Variants in IGSF21 observed in about 807,000 individuals in gnomAD.
The protein encoded by IGSF21 is immunoglobulin superfamily member 21.
In IGSF21, 28 loss-of-function variants were observed where a neutral mutation model predicts 46.8. The ratio of observed to expected loss-of-function variants is 0.60; its 90% CI spans 0.44 to 0.82. The LOEUF is 0.82. Among genes scored for constraint, IGSF21 ranks in the 40% least tolerant of loss-of-function variants. The pLI, the probability that IGSF21 is intolerant of heterozygous loss-of-function variation, is 0.00. For missense variants in IGSF21, 624 were observed against 665.5 expected, an observed-to-expected ratio of 0.94 and a Z score of 0.69; for synonymous variants, 284 against 273.6, an observed-to-expected ratio of 1.04 and a Z score of -0.38.
intron 1 of IGSF21, among the ~76,000 whole-genome samples, chr1:18,142,737 G>A (rs1306290654): frequency 6.6e-6 from 1 of 152,208 alleles, no homozygotes; most frequent in Non-Finnish European, 1.5e-5. Flanking sequence ...TGCAAATTGG[G>A]GGGCTGATTA....
At chr1:18,173,598 G>A (rs752032653) in intron 1 of IGSF21, among the ~76,000 whole-genome samples, 34 of 152,272 alleles carry the variant, frequency 2.2e-4, no homozygotes, top group Admixed American at 7.2e-4. Flanking sequence ...GTCTGGCTTT[G>A]TTCACTTGGC....
intron 1 of IGSF21, among the ~76,000 whole-genome samples, chr1:18,223,891 G>A (rs569756993): frequency 6.6e-6 from 1 of 152,306 alleles, no homozygotes; most frequent in African/African-American, 2.4e-5. Context: ...TTCCTGCGGG[G>A]ATGAGAAGGG....
intron 3 of IGSF21, among the ~76,000 whole-genome samples, chr1:18,308,899 G>A (rs2085453587): frequency 6.6e-6 from 1 of 152,164 alleles, no homozygotes; most frequent in South Asian, 2.1e-4. Context: ...GGGCAGTGGG[G>A]CCTGGCAAGC....
chr1:18,304,211 G>C (rs752938851), intron 3 of IGSF21, among the ~76,000 whole-genome samples: 5 of 152,222 alleles, frequency 3.3e-5, no homozygotes, highest in Non-Finnish European at 7.3e-5. Context: ...AGAGGTGACT[G>C]ATGAAGACTT....
At chr1:18,231,840 T>C (rs2084629377) in intron 2 of IGSF21, among the ~76,000 whole-genome samples, 2 of 151,948 alleles carry the variant, frequency 1.3e-5, no homozygotes, top group African/African-American at 2.4e-5. Context: ...TGAGTGATCA[T>C]TGAGTCAGTT....
intron 2 of IGSF21, among the ~76,000 whole-genome samples, chr1:18,239,086 G>T (rs1476842582): frequency 6.6e-6 from 1 of 152,126 alleles, no homozygotes; most frequent in Non-Finnish European, 1.5e-5. Context: ...TACTACTGTT[G>T]GGGCCTCCGA....
intron 1 of IGSF21, among the ~76,000 whole-genome samples, chr1:18,195,369 C>T (rs1020726143): frequency 2.6e-5 from 4 of 152,126 alleles, no homozygotes; most frequent in East Asian, 1.9e-4. Context: ...TGGATTATAA[C>T]GGCTGGAGCA....
intron 1 of IGSF21, among the ~76,000 whole-genome samples, chr1:18,149,736 C>T (rs1461838263): frequency 2.0e-5 from 3 of 151,980 alleles, no homozygotes; most frequent in African/African-American, 7.3e-5. Context: ...CATCTCTAGA[C>T]TCTGGCTCCA....
chr1:18,362,016 C>A (rs759243999), intron 4 of IGSF21, 99 bp from the exon 5 acceptor site: 3 of 794,142 alleles, frequency 3.8e-6, no homozygotes, highest in Non-Finnish European at 6.2e-6. Flanking sequence ...CCCCCACCCC[C>A]GGCACCCAGC....
chr1:18,225,085 T>TCTCTCA, intron 1 of IGSF21, among the ~76,000 whole-genome samples: 2 of 51,582 alleles, frequency 3.9e-5, no homozygotes, highest in African/African-American at 1.4e-4. Flanking sequence ...TCTCTCTCTC[T>TCTCTCA]CACACACACA....
intron 2 of IGSF21, among the ~76,000 whole-genome samples, chr1:18,280,489 A>G (rs2085148386): frequency 1.3e-5 from 2 of 152,104 alleles, no homozygotes; most frequent in Non-Finnish European, 2.9e-5. Context: ...CATTATTAGC[A>G]TTTTACAGCT....
chr1:18,323,780 TG>T (rs2085629405), intron 3 of IGSF21, among the ~76,000 whole-genome samples: 1 of 152,194 alleles, frequency 6.6e-6, no homozygotes, highest in African/African-American at 2.4e-5. Flanking sequence ...ACAGATATTT[TG>T]TACCCAATGA....
At chr1:18,110,373 A>G (rs1299789740) in intron 1 of IGSF21, 1 of 152,424 alleles carries the variant, frequency 6.6e-6, no homozygotes, top group African/African-American at 2.4e-5. Flanking sequence ...AGTCCGTGAG[A>G]GACGCAAGAG....
At chr1:18,372,624 G>C (rs111731591) in intron 6 of IGSF21, among the ~76,000 whole-genome samples, 76 of 143,708 alleles carry the variant, frequency 5.3e-4, no homozygotes, top group Middle Eastern at 3.5e-3. Flanking sequence ...ATGTTTGGAT[G>C]GATGGATAGA....
intron 2 of IGSF21, among the ~76,000 whole-genome samples, chr1:18,256,568 CCCTGTGCGCTTCT>C (rs1392596136): frequency 6.6e-6 from 1 of 152,124 alleles, no homozygotes; most frequent in African/African-American, 2.4e-5. Flanking sequence ...CCTGGCGGTG[CCCTGTGCGCTTCT>C]CCTGGATGTT....
At chr1:18,240,313 C>A (rs769985586) in intron 2 of IGSF21, among the ~76,000 whole-genome samples, 1 of 152,162 alleles carries the variant, frequency 6.6e-6, no homozygotes, top group African/African-American at 2.4e-5. Flanking sequence ...AAAACAAATA[C>A]GCAAAACAAG....
intron 1 of IGSF21, 21 bp downstream of exon 1, chr1:18,108,219 CG>C (rs773896027): frequency 7.4e-7 from 1 of 1,358,438 alleles, no homozygotes; most frequent in South Asian, 1.8e-5. Context: ...GGGCGCCTGG[CG>C]GGAGCCGAGC....
chr1:18,126,975 C>A (rs1288668012), intron 1 of IGSF21, among the ~76,000 whole-genome samples: 1 of 152,092 alleles, frequency 6.6e-6, no homozygotes, highest in East Asian at 1.9e-4. Context: ...CATTAGATGC[C>A]CCTCACCCTG....
At chr1:18,250,195 G>A (rs1432996685) in intron 2 of IGSF21, among the ~76,000 whole-genome samples, 1 of 149,890 alleles carries the variant, frequency 6.7e-6, no homozygotes, top group African/African-American at 2.5e-5. Flanking sequence ...ATTCACATGT[G>A]TATTGCTTTG....
Sources: gnomAD v4.1 joint callset for allele counts (sites outside exome capture counted in the v4.1 genomes callset) on GRCh38, gnomAD v4.1.1 for gene constraint, MANE v1.5 for transcripts, NCBI Gene and HGNC (gene_info 2026-07-23, HGNC 2026-07-21) for gene names.